Variants in NRG1 observed in about 807,000 individuals in gnomAD.
NRG1 encodes neuregulin 1.
NRG1 carries 18 observed loss-of-function variants against 63.8 expected under a neutral mutation model. The observed-to-expected ratio is 0.28, with a 90% CI of 0.19 to 0.42. The LOEUF is 0.42. Ranked by LOEUF, NRG1 falls within the 10% of genes least tolerant of loss-of-function variation. NRG1 has a pLI of 1.00. For synonymous variants in NRG1, 302 were observed against 301.3 expected, an observed-to-expected ratio of 1.00 and a Z score of -0.02; for missense variants, 762 against 814.7, an observed-to-expected ratio of 0.94 and a Z score of 0.79.
At chr8:32,629,729 T>A (rs1563805448) in intron 5 of NRG1, among the ~76,000 whole-genome samples, 1 of 152,294 alleles carries the variant, frequency 6.6e-6, no homozygotes, top group South Asian at 2.1e-4. Context: ...CATAAATACT[T>A]GTTTTCATGG....
intron 1 of NRG1, among the ~76,000 whole-genome samples, chr8:31,998,834 A>G (rs1416014489): frequency 6.6e-6 from 1 of 151,988 alleles, no homozygotes; most frequent in Non-Finnish European, 1.5e-5. Context: ...TTTTGTGAAC[A>G]TGCAATGTTC....
At chr8:32,087,618 G>A (rs1005841633) in intron 1 of NRG1, among the ~76,000 whole-genome samples, 9 of 150,320 alleles carry the variant, frequency 6.0e-5, no homozygotes, top group Admixed American at 2.7e-4. Context: ...CTACAGGTGC[G>A]TGTGCCCACG....
chr8:32,466,405 C>T (rs529374320), intron 1 of NRG1, among the ~76,000 whole-genome samples: 1 of 150,562 alleles, frequency 6.6e-6, no homozygotes, highest in African/African-American at 2.4e-5. Flanking sequence ...CCTGGATGAT[C>T]ACCCAGTAGC....
chr8:31,640,159 G>A lies in NRG1; in HGVS notation c.37+728G>A, dbSNP rs982442612. The A allele has an allele frequency of 2.5e-6, 3 of 1,180,448 alleles. No individual in the cohort carries two copies. The highest frequency in any genetic ancestry group is 3.1e-6 in the Non-Finnish European group (3 of 954,956). 73.1% of individuals were successfully genotyped at this position (1,180,448 alleles called of 1,614,324 possible). A position where few individuals can be genotyped will look rare whatever the true frequency, so the allele number is the denominator to read the frequency against. ...CGGCAACGAGGCGGCTCCCGCGGGG[G>A]CCTCGGTGTGCTACTCGTCCCCGCC... is the stretch of plus-strand genomic sequence containing the variant. On this transcript the variant is annotated intron_variant, in intron 1 of 10. Coordinates refer to the NRG1 transcript ENST00000519301. This position sits in a 1 kb window ranked among gnomAD's most constrained non-coding sequence, Gnocchi z 6.3.
intron 5 of NRG1, among the ~76,000 whole-genome samples, chr8:32,720,528 A>G (rs75722333): frequency 6.6e-6 from 1 of 152,178 alleles, no homozygotes; most frequent in Non-Finnish European, 1.5e-5. Context: ...TTTTATACTC[A>G]TATAAAACTG....
At chr8:31,860,423 C>T (rs1220170644) in intron 1 of NRG1, among the ~76,000 whole-genome samples, 1 of 152,116 alleles carries the variant, frequency 6.6e-6, no homozygotes, top group African/African-American at 2.4e-5. Context: ...GCATGGTGGG[C>T]ATTTAGTCGT....
At chr8:32,243,833 G>A (rs919362371) in intron 1 of NRG1, among the ~76,000 whole-genome samples, 4 of 152,090 alleles carry the variant, frequency 2.6e-5, no homozygotes, top group African/African-American at 4.8e-5. Flanking sequence ...AAAGGCCAAA[G>A]CCTCCTCTCT....
At chr8:32,773,285 A>T (rs1831919262) in intron 7 of NRG1, among the ~76,000 whole-genome samples, 1 of 152,088 alleles carries the variant, frequency 6.6e-6, no homozygotes, top group Non-Finnish European at 1.5e-5. Context: ...ATGCTAATCC[A>T]CCACACATTT....
intron 5 of NRG1, among the ~76,000 whole-genome samples, chr8:32,652,285 A>G (rs1855302229): frequency 6.6e-6 from 1 of 152,032 alleles, no homozygotes; most frequent in Non-Finnish European, 1.5e-5. Context: ...CTCTTATTAA[A>G]TTTTCAGTCG....
intron 1 of NRG1, among the ~76,000 whole-genome samples, chr8:32,303,764 C>G (rs1855896289): frequency 6.6e-6 from 1 of 152,164 alleles, no homozygotes; most frequent in African/African-American, 2.4e-5. Flanking sequence ...ATTTAGCCTA[C>G]ATTTCTAGCA....
At chr8:32,241,927 A>G (rs1208580363) in intron 1 of NRG1, among the ~76,000 whole-genome samples, 1 of 151,694 alleles carries the variant, frequency 6.6e-6, no homozygotes, top group Non-Finnish European at 1.5e-5. Flanking sequence ...CTATTTTTAA[A>G]ATTTTTTGTA....
intron 1 of NRG1, among the ~76,000 whole-genome samples, chr8:32,487,778 T>C (rs1306002693): frequency 1.3e-5 from 2 of 152,146 alleles, no homozygotes; most frequent in East Asian, 3.9e-4. Flanking sequence ...CGTTAGAGTC[T>C]TAAGGATTTT....
chr8:31,696,459 G>GA (rs534723618), intron 1 of NRG1, among the ~76,000 whole-genome samples: 81 of 152,118 alleles, frequency 5.3e-4, no homozygotes, highest in African/African-American at 1.4e-3. Flanking sequence ...AACTAGGAGG[G>GA]AAAAAAACTT....
intron 1 of NRG1, among the ~76,000 whole-genome samples, chr8:32,065,296 G>A (rs539871263): frequency 1.9e-4 from 29 of 152,160 alleles, no homozygotes; most frequent in African/African-American, 6.7e-4. Context: ...TTGGTGTGCT[G>A]CACCCATTAA....
chr8:32,537,431 G>A (rs1412763863), intron 1 of NRG1, among the ~76,000 whole-genome samples: 3 of 152,120 alleles, frequency 2.0e-5, no homozygotes, highest in Admixed American at 1.3e-4. Flanking sequence ...TTGGGTTCAT[G>A]TATTCTTTGC....
intron 1 of NRG1, among the ~76,000 whole-genome samples, chr8:31,642,226 C>T (rs894547415): frequency 6.6e-6 from 1 of 152,204 alleles, no homozygotes; most frequent in African/African-American, 2.4e-5. Flanking sequence ...ATATGTTACT[C>T]TGTTACAGAA....
At chr8:31,639,860 TAAAAG>T in intron 1 of NRG1, 1 of 1,099,016 alleles carries the variant, frequency 9.1e-7, no homozygotes, top group Middle Eastern at 2.6e-4. Flanking sequence ...AATAAATAAA[TAAAAG>T]GAGGAGGGCA....
At chr8:31,748,849 C>T (rs2131444225) in intron 1 of NRG1, among the ~76,000 whole-genome samples, 1 of 151,900 alleles carries the variant, frequency 6.6e-6, no homozygotes, top group South Asian at 2.1e-4. Flanking sequence ...GACAGAAACT[C>T]CAAGTACAGT....
chr8:32,215,819 A>G (rs1586146841), intron 1 of NRG1, among the ~76,000 whole-genome samples: 1 of 152,132 alleles, frequency 6.6e-6, no homozygotes, highest in Non-Finnish European at 1.5e-5. Flanking sequence ...AGGCAAGAGG[A>G]TAACTTGAGC....
Sources: allele counts gnomAD v4.1 joint callset (sites outside exome capture counted in the v4.1 genomes callset), GRCh38; gene constraint gnomAD v4.1.1; non-coding constraint Gnocchi (gnomAD v3.1); transcripts MANE v1.5; gene names NCBI Gene and HGNC (gene_info 2026-07-23, HGNC 2026-07-21).